The following KCTD1 variants were observed in gnomAD, a reference collection of about 807,000 sequenced individuals.
The protein encoded by KCTD1 is BTB/POZ domain-containing protein KCTD1.
In KCTD1, 24 loss-of-function variants were observed where a neutral mutation model predicts 66.0. That is an observed-to-expected ratio of 0.36 (90% CI 0.26 to 0.51). KCTD1 has a LOEUF of 0.51. Among genes scored for constraint, KCTD1 ranks in the 20% least tolerant of loss-of-function variants. The pLI is 0.95. For missense variants in KCTD1, 943 were observed against 1,205.2 expected (o/e 0.78, Z 3.22); for synonymous variants, 511 against 517.2 (o/e 0.99, Z 0.16).
chr18:26,521,133 A>T (rs538112969), intron 1 of KCTD1, among the ~76,000 whole-genome samples: 2 of 152,108 alleles, frequency 1.3e-5, no homozygotes, highest in African/African-American at 4.8e-5. Flanking sequence ...GATGGGGGGA[A>T]CCTCAGGGCC....
intron 1 of KCTD1, among the ~76,000 whole-genome samples, chr18:26,617,379 C>G (rs9960186): frequency 0.03 from 4,611 of 152,322 alleles, 111 homozygotes; most frequent in African/African-American, 0.074. Context: ...TGTATCATAG[C>G]TGACGCTCCT....
chr18:26,517,870 C>T (rs1199524839), intron 1 of KCTD1, among the ~76,000 whole-genome samples: 3 of 152,320 alleles, frequency 2.0e-5, no homozygotes, highest in East Asian at 1.9e-4. Flanking sequence ...ACTAACACAG[C>T]GGCCAAACAC....
At chr18:26,486,233 C>T (rs1427948632) in intron 2 of KCTD1, among the ~76,000 whole-genome samples, 1 of 152,142 alleles carries the variant, frequency 6.6e-6, no homozygotes, top group Non-Finnish European at 1.5e-5. Context: ...TATTGCAGCT[C>T]TATAAAGTAT....
intron 1 of KCTD1, among the ~76,000 whole-genome samples, chr18:26,595,204 AC>A (rs1986739192): frequency 6.6e-6 from 1 of 151,730 alleles, no homozygotes; most frequent in Non-Finnish European, 1.5e-5. Context: ...CTTCCTCACT[AC>A]CCCCTACCCC....
chr18:26,556,880 T>A (rs905771553), intron 1 of KCTD1, among the ~76,000 whole-genome samples: 1 of 152,166 alleles, frequency 6.6e-6, no homozygotes, highest in African/African-American at 2.4e-5. Flanking sequence ...CCAAATACAT[T>A]TGGGTGTTAT....
intron 1 of KCTD1, among the ~76,000 whole-genome samples, chr18:26,570,652 C>T (rs1986086425): frequency 6.6e-6 from 1 of 152,104 alleles, no homozygotes; most frequent in Non-Finnish European, 1.5e-5. Flanking sequence ...CTCAAGATAT[C>T]CTCCCACCTC....
At chr18:26,592,275 A>C (rs1986626810) in intron 1 of KCTD1, among the ~76,000 whole-genome samples, 1 of 152,254 alleles carries the variant, frequency 6.6e-6, no homozygotes, top group African/African-American at 2.4e-5. Flanking sequence ...TAATTTAAAT[A>C]ATCTTTCAAA....
At chr18:26,630,735 G>A (rs976278528), upstream of KCTD1, among the ~76,000 whole-genome samples, 8 of 152,248 alleles carry the variant, frequency 5.3e-5, no homozygotes, top group African/African-American at 1.9e-4. Flanking sequence ...AAGTACTTGT[G>A]TGGTTGAGTT....
chr18:26,564,803 C>G (rs959878054), intron 1 of KCTD1, among the ~76,000 whole-genome samples: 6 of 151,650 alleles, frequency 4.0e-5, no homozygotes, highest in Admixed American at 3.9e-4. Flanking sequence ...GCAGGAGAAT[C>G]GCTTGAACCC....
chr18:26,513,873 A>G (rs1983485665), intron 1 of KCTD1, among the ~76,000 whole-genome samples: 1 of 152,238 alleles, frequency 6.6e-6, no homozygotes, highest in Non-Finnish European at 1.5e-5. Context: ...AGTGCAAAAA[A>G]GAGCTAACCC....
intron 1 of KCTD1, among the ~76,000 whole-genome samples, chr18:26,621,494 CG>C (rs1987383125): frequency 2.0e-5 from 3 of 151,818 alleles, no homozygotes; most frequent in African/African-American, 7.3e-5. Context: ...CTGGACTATA[CG>C]TGGAAAAACG....
At chr18:26,464,872 G>A (rs955181172) in intron 3 of KCTD1, among the ~76,000 whole-genome samples, 4 of 152,168 alleles carry the variant, frequency 2.6e-5, no homozygotes, top group Non-Finnish European at 5.9e-5. Flanking sequence ...CCAAGAAAAT[G>A]AAAGGATTTT....
chr18:26,594,652 C>A (rs1986725386), intron 1 of KCTD1, among the ~76,000 whole-genome samples: 1 of 152,182 alleles, frequency 6.6e-6, no homozygotes, highest in Non-Finnish European at 1.5e-5. Flanking sequence ...TTTATGTCAA[C>A]TCAGCTAGGC....
chr18:26,578,061 T>TCTTTCTTTC (rs1475551115), intron 1 of KCTD1, among the ~76,000 whole-genome samples: 2,164 of 145,058 alleles, frequency 0.015, 37 homozygotes, highest in African/African-American at 0.05. Flanking sequence ...TTCTTTCTTT[T>TCTTTCTTTC]TTTTTTTTTT....
At chr18:26,648,911 T>G (rs1178411900) in intron 1 of KCTD1, among the ~76,000 whole-genome samples, 2 of 152,218 alleles carry the variant, frequency 1.3e-5, no homozygotes, top group Non-Finnish European at 2.9e-5. Context: ...ATTACACAAG[T>G]AATATCTTGC....
In KCTD1 at chr18:26,546,940, T is replaced by C; in HGVS notation, c.1597A>G (p.Lys533Glu). 2 of 1,474,096 alleles carry C rather than the reference T, an allele frequency of 1.4e-6. No homozygotes were observed. The highest frequency in any genetic ancestry group is 2.5e-5 in the Admixed American group (1 of 40,332). The allele number at this position is 1,474,096 out of a possible 1,614,324, so 91.3% of individuals were successfully genotyped here. A position where few individuals can be genotyped will look rare whatever the true frequency, so the allele number is the denominator to read the frequency against. ...GPDVKSEAAP[K>E]RALYESVFGS... Reference sequence around the variant, plus strand: ...AACACAGACTCGTACAGGGCGCGCTTGGGCGCAGCCTCGGATTTCACGTCG... The same window carrying C: ...AACACAGACTCGTACAGGGCGCGCTCGGGCGCAGCCTCGGATTTCACGTCG... The change falls in exon 1 of 5, where the codon AAG (lysine) becomes GAG (glutamate). Residue 533 changes from lysine (K) to glutamate (E), a missense_variant. Lys to Glu is a moderately conservative substitution (Grantham distance 56). Around this residue, in one of 10 missense-constraint regions of KCTD1, gnomAD observed 197 missense variants for 182.7 expected, o/e 1.08. Coordinates refer to ENST00000580059, the MANE Select transcript of KCTD1 (RefSeq NM_001142730.3).
At chr18:26,558,004 TGA>T (rs1985748388) in intron 1 of KCTD1, among the ~76,000 whole-genome samples, 1 of 152,372 alleles carries the variant, frequency 6.6e-6, no homozygotes, top group South Asian at 2.1e-4. Context: ...CTCCCTGATA[TGA>T]GTCCAGCTCT....
rs568518250 is a variant in KCTD1, at chr18:26,538,936, T to C, written c.1809+7792A>G. Reference sequence around the variant, plus strand: ...GGCCCCACACAGCAAAACGGAAGCCTGCCACACACCGGAAACATTCTTTTT... The same window carrying C: ...GGCCCCACACAGCAAAACGGAAGCCCGCCACACACCGGAAACATTCTTTTT... On this transcript the variant is annotated intron_variant, in intron 1 of 4. Transcript: ENST00000580059. Among the ~76,000 whole-genome samples the C allele has an allele frequency of 2.0e-5, 3 of 152,348 alleles. No homozygotes were observed. The East Asian group carries it at 5.8e-4, about 29-fold the overall frequency.
intron 1 of KCTD1, chr18:26,566,436 T>C (rs1228308921): frequency 1.3e-5 from 2 of 152,278 alleles, no homozygotes; most frequent in East Asian, 3.9e-4. Context: ...ACCGAACACC[T>C]TCTGGCTGTC....
Sources: allele counts gnomAD v4.1 joint callset (sites outside exome capture counted in the v4.1 genomes callset), GRCh38; gene constraint gnomAD v4.1.1; regional missense constraint gnomAD v4.1.1; transcripts MANE v1.5; gene names NCBI Gene and HGNC (gene_info 2026-07-23, HGNC 2026-07-21).